Variants in TENM3 observed in about 807,000 individuals in gnomAD.
TENM3 encodes teneurin-3.
A neutral mutation model predicts 255.1 loss-of-function variants in TENM3; 63 were observed. That is an observed-to-expected ratio of 0.25 (90% CI 0.20 to 0.30). TENM3 has a LOEUF of 0.30. Ranked by LOEUF, TENM3 falls within the 10% of genes least tolerant of loss-of-function variation. The probability of loss-of-function intolerance (pLI) is 1.00; values close to 1 mark genes in which losing one functional copy is unlikely to be tolerated. For synonymous variants in TENM3, 1,306 were observed against 1,322.3 expected, an observed-to-expected ratio of 0.99 and a Z score of 0.27; for missense variants, 2,929 against 3,461.1, an observed-to-expected ratio of 0.85 and a Z score of 3.86.
At chr4:182,349,425 A>G (rs1234809982) in intron 3 of TENM3, among the ~76,000 whole-genome samples, 1 of 152,218 alleles carries the variant, frequency 6.6e-6, no homozygotes, top group East Asian at 1.9e-4. Context: ...ACAAGATTTC[A>G]TTTAATGTAA....
At chr4:181,841,315 CAT>C in the TENM3 span, among the ~76,000 whole-genome samples, 1 of 152,052 alleles carries the variant, frequency 6.6e-6, no homozygotes, top group Non-Finnish European at 1.5e-5. Context: ...TAAATATTCA[CAT>C]GTTAAAATTG....
the TENM3 span, among the ~76,000 whole-genome samples, chr4:181,530,426 G>A: frequency 2.0e-5 from 3 of 152,180 alleles, no homozygotes; most frequent in Non-Finnish European, 2.9e-5. Context: ...TCACTGATAT[G>A]TCTTAAGAAG....
At chr4:182,559,819 A>G (rs1359968214) in intron 3 of TENM3, among the ~76,000 whole-genome samples, 2 of 152,186 alleles carry the variant, frequency 1.3e-5, no homozygotes, top group Non-Finnish European at 2.9e-5. Flanking sequence ...ATGGGTACAA[A>G]TAAATAGAAT....
At chr4:182,768,770 CAACA>C (rs1025889128) in intron 22 of TENM3, among the ~76,000 whole-genome samples, 3 of 152,094 alleles carry the variant, frequency 2.0e-5, no homozygotes, top group Non-Finnish European at 4.4e-5. Flanking sequence ...AATTAAAGAC[CAACA>C]AACAGATAAA....
chr4:182,025,565 T>G, the TENM3 span, among the ~76,000 whole-genome samples: 17 of 152,318 alleles, frequency 1.1e-4, no homozygotes, highest in Admixed American at 9.1e-4. Flanking sequence ...TTTCATATAG[T>G]AGCTCCATTT....
At chr4:182,169,325 T>A in intron 1 of TENM3, 1 of 478,582 alleles carries the variant, frequency 2.1e-6, no homozygotes, top group Middle Eastern at 3.2e-4. Flanking sequence ...TAGTTTTGAA[T>A]GTTTATTGTA....
chr4:181,906,141 T>C, the TENM3 span: 2 of 299,566 alleles, frequency 6.7e-6, no homozygotes, highest in Admixed American at 9.5e-5. Flanking sequence ...GGAAGGTGTG[T>C]ATAAACAGTA....
At chr4:181,993,021 A>C in the TENM3 span, among the ~76,000 whole-genome samples, 1 of 152,154 alleles carries the variant, frequency 6.6e-6, no homozygotes, top group South Asian at 2.1e-4. Context: ...ATAGCAATTA[A>C]AATTATACTT....
the TENM3 span, among the ~76,000 whole-genome samples, chr4:181,987,477 A>T: frequency 6.6e-6 from 1 of 152,148 alleles, no homozygotes; most frequent in South Asian, 2.1e-4. Flanking sequence ...TCTCTGGATG[A>T]CAATCCTTTT....
At chr4:182,680,497 G>A (rs768836940) in intron 9 of TENM3, 46 bp from the exon 10 acceptor site, 13 of 1,599,418 alleles carry the variant, frequency 8.1e-6, no homozygotes, top group African/African-American at 2.7e-5. Flanking sequence ...TCGGAAGCTC[G>A]GTGGAAAGTG....
At chr4:182,193,891 A>G (rs1753682323) in intron 1 of TENM3, among the ~76,000 whole-genome samples, 1 of 152,360 alleles carries the variant, frequency 6.6e-6, no homozygotes, top group South Asian at 2.1e-4. Context: ...CAGGTATCAT[A>G]AATAGAAATG....
chr4:182,368,807 C>T (rs1192384996), intron 3 of TENM3, among the ~76,000 whole-genome samples: 1 of 152,166 alleles, frequency 6.6e-6, no homozygotes, highest in Non-Finnish European at 1.5e-5. Context: ...ACGGCATGTG[C>T]AGCCCATCTG....
the TENM3 span, among the ~76,000 whole-genome samples, chr4:182,078,050 A>C: frequency 2.0e-5 from 3 of 152,182 alleles, no homozygotes. Flanking sequence ...GCAAGACCTC[A>C]TCACAACTAA....
At chr4:182,427,217 G>A (rs1771289392) in intron 3 of TENM3, among the ~76,000 whole-genome samples, 1 of 151,700 alleles carries the variant, frequency 6.6e-6, no homozygotes, top group Non-Finnish European at 1.5e-5. Flanking sequence ...TGTTTGTTTT[G>A]TCTTTACACT....
At chr4:182,787,626 C>T (rs1294192497) in intron 24 of TENM3, among the ~76,000 whole-genome samples, 1 of 148,386 alleles carries the variant, frequency 6.7e-6, no homozygotes, top group South Asian at 2.2e-4. Flanking sequence ...CCCAGCTACT[C>T]GGGAGGCTGA....
In TENM3 at chr4:182,580,198, A is replaced by G. The variant is rs1388863497; in HGVS notation, c.512-20726A>G. Reference sequence around the variant, plus strand: ...CAAAAGTACTCTTTTGAGAGCTGTCATTTCTCTTAGTGTGACGCTATTAAT... The same window carrying G: ...CAAAAGTACTCTTTTGAGAGCTGTCGTTTCTCTTAGTGTGACGCTATTAAT... On this transcript the variant is annotated intron_variant, in intron 3 of 27. Coordinates refer to ENST00000511685, the MANE Select transcript of TENM3 (RefSeq NM_001080477.4). Among the ~76,000 whole-genome samples, 4 of 152,130 alleles carry G rather than the reference A, an allele frequency of 2.6e-5. 1 individual carries two copies. The South Asian group carries it at 6.2e-4, about 24-fold the overall frequency.
At chr4:181,463,624 T>A in the TENM3 span, among the ~76,000 whole-genome samples, 43 of 152,350 alleles carry the variant, frequency 2.8e-4, no homozygotes, top group African/African-American at 1.0e-3. Flanking sequence ...GTAGCAAATT[T>A]CTTAGTGTAC....
the TENM3 span, among the ~76,000 whole-genome samples, chr4:181,888,534 G>GTATATATATA: frequency 1.4e-3 from 62 of 45,586 alleles, 1 homozygote; most frequent in Middle Eastern, 0.017. Flanking sequence ...ATACATATAT[G>GTATATATATA]TGTATATATA....
chr4:181,856,036 A>AGAAGGAAGGAAGGAAGGAAAGGAAGAAG, the TENM3 span, among the ~76,000 whole-genome samples: 6 of 46,432 alleles, frequency 1.3e-4, no homozygotes, highest in Admixed American at 3.3e-4. Context: ...AAGGAAAGGA[A>AGAAGGAAGGAAGGAAGGAAAGGAAGAAG]GAAGGAAGGA....
Sources: allele counts gnomAD v4.1 joint callset (sites outside exome capture counted in the v4.1 genomes callset), GRCh38; gene constraint gnomAD v4.1.1; transcripts MANE v1.5; gene names NCBI Gene and HGNC (gene_info 2026-07-23, HGNC 2026-07-21).